The following MYZAP variants were observed in gnomAD, a reference collection of about 807,000 sequenced individuals.
MYZAP encodes the protein GRINL1A complex locus upstream.
MYZAP carries 66 observed loss-of-function variants against 69.4 expected under a neutral mutation model. That is an observed-to-expected ratio of 0.95 (90% CI 0.78 to 1.17). MYZAP has a LOEUF of 1.17. Ranked by LOEUF, MYZAP falls within the 50% of genes most tolerant of loss-of-function variation. MYZAP has a pLI of 0.00. For synonymous variants in MYZAP, 256 were observed against 205.9 expected (o/e 1.24, Z -2.09); for missense variants, 611 against 556.2 (o/e 1.10, Z -0.99).
chr15:57,683,709 G>C lies in MYZAP; in HGVS notation c.1305-693G>C, dbSNP rs144343520. On this transcript the variant is annotated intron_variant, in intron 12 of 12. Coordinates refer to ENST00000267853, the MANE Select transcript of MYZAP (RefSeq NM_001018100.5). ...AAGGTGCCAGCAGATCCAGTGTTTGGCAAGGACTTGCTTTCTGGTTCATGT... is the reference window on the plus strand; with the variant it reads ...AAGGTGCCAGCAGATCCAGTGTTTGCCAAGGACTTGCTTTCTGGTTCATGT... Among the ~76,000 whole-genome samples the C allele has an allele frequency of 8.6e-4, 131 of 152,270 alleles. 1 individual carries two copies. Among genetic ancestry groups the C allele is most frequent in the African/African-American group, 3.1e-3 (128 of 41,556 alleles).
At chr15:57,669,799 T>C (rs1352816988) in intron 11 of MYZAP, among the ~76,000 whole-genome samples, 1 of 152,184 alleles carries the variant, frequency 6.6e-6, no homozygotes, top group Non-Finnish European at 1.5e-5. Context: ...TTCTAATCTC[T>C]GCTTCACCTG....
chr15:57,677,279 G>A (rs1433379638), intron 12 of MYZAP, among the ~76,000 whole-genome samples: 2 of 152,180 alleles, frequency 1.3e-5, no homozygotes, highest in African/African-American at 4.8e-5. Context: ...AGTTTGTTTT[G>A]TCTGTTGGAT....
At chr15:57,640,664 A>G (rs1409373564) in intron 10 of MYZAP, among the ~76,000 whole-genome samples, 1 of 152,232 alleles carries the variant, frequency 6.6e-6, no homozygotes, top group African/African-American at 2.4e-5. Context: ...AGGTCAGAGA[A>G]TTGTGAGTAT....
At chr15:57,641,434 G>T (rs1170941821) in intron 10 of MYZAP, among the ~76,000 whole-genome samples, 1 of 152,156 alleles carries the variant, frequency 6.6e-6, no homozygotes, top group Non-Finnish European at 1.5e-5. Context: ...ATATGTGTGT[G>T]TGTAGGGATG....
At position 57,637,730 on chromosome 15, in the gene MYZAP, T is replaced by C. The variant is rs774141969; in HGVS notation, c.969T>C (p.His323=). ...RHQLQLQLLE[H]ETEMSGELTD... is the part of the protein sequence containing the mutation. ...AACTGCAACTTCAACTCCTAGAACA[T>C]GAAACAGAAATGTCTGGGGAGTTAA... The change falls in exon 9 of 13, where the codon CAT becomes CAC. Residue 323 remains histidine (H), a synonymous_variant. Coordinates refer to ENST00000267853, the MANE Select transcript of MYZAP (RefSeq NM_001018100.5). 1 of 1,613,126 alleles carries C rather than the reference T, an allele frequency of 6.2e-7. No homozygotes were observed.
chr15:57,624,403 A>G (rs992627443), intron 4 of MYZAP, among the ~76,000 whole-genome samples: 11 of 152,222 alleles, frequency 7.2e-5, no homozygotes, highest in South Asian at 2.1e-4. Context: ...CCATTTCTTG[A>G]TTATAGGAGT....
In MYZAP at chr15:57,685,011, G is replaced by T. The variant is rs2039626457; in HGVS notation, c.*513G>T. The T allele has an allele frequency of 6.5e-6, 1 of 153,694 alleles. No individual in the cohort carries two copies. Among genetic ancestry groups the T allele is most frequent in the Non-Finnish European group, 1.4e-5 (1 of 68,992 alleles). The allele number at this position is 153,694 out of a possible 1,614,324, so 9.5% of individuals were successfully genotyped here. On this transcript the variant is annotated 3_prime_UTR_variant, in exon 13 of 13. Transcript: ENST00000267853. ...AAGGGAGGGTTCCCGGCCTGCAGGT[G>T]CTCTTTCCTCTTGGTCCCAAGCATC...
intron 10 of MYZAP, among the ~76,000 whole-genome samples, chr15:57,642,119 C>G (rs1278829144): frequency 6.6e-6 from 1 of 152,218 alleles, no homozygotes; most frequent in Non-Finnish European, 1.5e-5. Flanking sequence ...AGCTCTTCAT[C>G]ATGGTTACGT....
At chr15:57,611,468 G>C (rs2453095) in intron 2 of MYZAP, among the ~76,000 whole-genome samples, 9,247 of 152,090 alleles carry the variant, frequency 0.061, 738 homozygotes, top group African/African-American at 0.18. Flanking sequence ...TTTTCCGCGG[G>C]GGTTATTAGG....
intron 10 of MYZAP, among the ~76,000 whole-genome samples, chr15:57,658,475 T>C (rs1050456175): frequency 2.0e-5 from 3 of 152,228 alleles, no homozygotes; most frequent in East Asian, 3.8e-4. Flanking sequence ...CATTTAGTTA[T>C]GTTTCTAAAG....
chr15:57,661,529 G>C lies in MYZAP; in HGVS notation c.1199G>C (p.Gly400Ala), dbSNP rs1253012914. ...TTAGAAAAGATATCTTTCTTAGAAGGAGAGGTAAGGATCTCTGTTTCTTTA... is the reference window on the plus strand; with the variant it reads ...TTAGAAAAGATATCTTTCTTAGAAGCAGAGGTAAGGATCTCTGTTTCTTTA... ...QLLEKISFLE[G>A]ENNELQSRLD... Residue 400 changes from glycine to alanine, a missense_variant, in exon 11 of 13, where the codon GGA becomes GCA. By Grantham distance (60) the Gly-to-Ala change is moderately conservative. Coordinates refer to ENST00000267853, the MANE Select transcript of MYZAP (RefSeq NM_001018100.5). 1 of 1,608,722 alleles carries C rather than the reference G, an allele frequency of 6.2e-7. No individual in the cohort carries two copies. The highest frequency in any genetic ancestry group is 1.7e-5 in the Admixed American group (1 of 59,326).
chr15:57,660,593 G>A (rs2038240211), intron 10 of MYZAP, among the ~76,000 whole-genome samples: 1 of 152,188 alleles, frequency 6.6e-6, no homozygotes. Flanking sequence ...GGGATCATAG[G>A]AGTGAACTAC....
intron 6 of MYZAP, among the ~76,000 whole-genome samples, chr15:57,632,025 G>C (rs1281529117): frequency 6.6e-6 from 1 of 152,162 alleles, no homozygotes; most frequent in Non-Finnish European, 1.5e-5. Flanking sequence ...TGCTAGGTTG[G>C]AATGTTTCCA....
At chr15:57,618,496 T>A (rs1225536388) in intron 3 of MYZAP, among the ~76,000 whole-genome samples, 1 of 152,150 alleles carries the variant, frequency 6.6e-6, no homozygotes, top group Non-Finnish European at 1.5e-5. Flanking sequence ...TTATTGCACT[T>A]ACCAGTCCCA....
chr15:57,617,371 C>T (rs1231210770), intron 2 of MYZAP, among the ~76,000 whole-genome samples: 1 of 152,122 alleles, frequency 6.6e-6, no homozygotes, highest in Non-Finnish European at 1.5e-5. Flanking sequence ...AAGGCTTGGA[C>T]ATGTTACTGT....
chr15:57,673,458 GCA>G (rs1378706625), intron 11 of MYZAP, among the ~76,000 whole-genome samples: 9 of 144,138 alleles, frequency 6.2e-5, no homozygotes, highest in African/African-American at 1.6e-4. Flanking sequence ...GCGCATGCGT[GCA>G]TGCGTGTGTG....
At chr15:57,642,927 C>G (rs1349238350) in intron 10 of MYZAP, among the ~76,000 whole-genome samples, 1 of 152,144 alleles carries the variant, frequency 6.6e-6, no homozygotes, top group Admixed American at 6.5e-5. Context: ...TAGTATATAT[C>G]TTACGGTGTC....
chr15:57,595,978 G>A (rs190191383), intron 1 of MYZAP, among the ~76,000 whole-genome samples: 6 of 152,304 alleles, frequency 3.9e-5, no homozygotes. Context: ...TGGGCTAAGG[G>A]CAGGGCTTAA....
intron 5 of MYZAP, among the ~76,000 whole-genome samples, chr15:57,626,442 T>C (rs2036140384): frequency 6.6e-6 from 1 of 152,236 alleles, no homozygotes. Flanking sequence ...ATGCATGTTG[T>C]TATCTCACTT....
Sources: gnomAD v4.1 joint callset for allele counts (sites outside exome capture counted in the v4.1 genomes callset) on GRCh38, gnomAD v4.1.1 for gene constraint, MANE v1.5 for transcripts, NCBI Gene and HGNC (gene_info 2026-07-23, HGNC 2026-07-21) for gene names.